Variants in TOX observed in about 807,000 individuals in gnomAD.
The protein encoded by TOX is thymocyte selection associated high mobility group box.
TOX carries 11 observed loss-of-function variants against 53.7 expected under a neutral mutation model. That is an observed-to-expected ratio of 0.20 (90% CI 0.13 to 0.34). The LOEUF is 0.34. Ranked by LOEUF, TOX falls within the 10% of genes least tolerant of loss-of-function variation. The pLI, the probability that TOX is intolerant of heterozygous loss-of-function variation, is 1.00. For missense variants in TOX, 570 were observed against 664.6 expected (o/e 0.86, Z 1.56); for synonymous variants, 225 against 245.3 (o/e 0.92, Z 0.77).
At chr8:58,922,288 A>G (rs1407666398) in intron 3 of TOX, among the ~76,000 whole-genome samples, 1 of 152,228 alleles carries the variant, frequency 6.6e-6, no homozygotes, top group Admixed American at 6.5e-5. Context: ...CAGGAGAAGA[A>G]GGCAAAGATA....
At position 58,954,914 on chromosome 8, in the gene TOX, G is replaced by A. The variant is rs188544248; in HGVS notation, c.168+5029C>T. Reference sequence around the variant, plus strand: ...AGAAAAAAGAGAAGATAGTGGGTGAGGAAGCAGGTGGGAGGTGATGAGTTG... The same window carrying A: ...AGAAAAAAGAGAAGATAGTGGGTGAAGAAGCAGGTGGGAGGTGATGAGTTG... On this transcript the variant is annotated intron_variant, in intron 2 of 8. Transcript: ENST00000361421. 6.6e-5 allele frequency among the ~76,000 whole-genome samples: 10 copies of A among 152,306 alleles called. No homozygotes were observed. The East Asian group carries it at 9.7e-4, about 15-fold the overall frequency.
intron 3 of TOX, among the ~76,000 whole-genome samples, chr8:58,935,039 CT>C (rs1339973923): frequency 5.9e-5 from 9 of 152,070 alleles, no homozygotes; most frequent in African/African-American, 2.2e-4. Flanking sequence ...TTGTTGATGT[CT>C]AATATATTAG....
At chr8:59,087,405 T>C (rs968649469) in intron 1 of TOX, among the ~76,000 whole-genome samples, 1 of 152,226 alleles carries the variant, frequency 6.6e-6, no homozygotes, top group Non-Finnish European at 1.5e-5. Flanking sequence ...TCAATTTCAC[T>C]GTTAATTTTT....
intron 1 of TOX, among the ~76,000 whole-genome samples, chr8:58,995,453 G>A (rs572943841): frequency 6.6e-6 from 1 of 152,294 alleles, no homozygotes; most frequent in South Asian, 2.1e-4. Flanking sequence ...AAGCAGAACA[G>A]AGATTGCAAA....
intron 5 of TOX, among the ~76,000 whole-genome samples, chr8:58,828,677 G>T (rs1312866567): frequency 5.3e-5 from 8 of 151,936 alleles, no homozygotes; most frequent in African/African-American, 1.9e-4. Context: ...AAGCCTTGGT[G>T]CAGCCATGAA....
At chr8:58,885,441 C>T (rs1811449798) in intron 3 of TOX, among the ~76,000 whole-genome samples, 1 of 152,088 alleles carries the variant, frequency 6.6e-6, no homozygotes, top group Non-Finnish European at 1.5e-5. Context: ...TAAAATATTA[C>T]CTCTTGCTAT....
intron 3 of TOX, among the ~76,000 whole-genome samples, chr8:58,862,988 T>C (rs1563373078): frequency 6.6e-6 from 1 of 152,160 alleles, no homozygotes. Flanking sequence ...AAGGTTTTAA[T>C]AGTGACTGAC....
chr8:58,979,456 A>G (rs921354624), intron 1 of TOX, among the ~76,000 whole-genome samples: 1 of 152,198 alleles, frequency 6.6e-6, no homozygotes, highest in Non-Finnish European at 1.5e-5. Flanking sequence ...AACAAATAGA[A>G]TTCTTTTTGT....
chr8:58,872,185 T>C (rs898182429), intron 3 of TOX, among the ~76,000 whole-genome samples: 2 of 152,082 alleles, frequency 1.3e-5, no homozygotes, highest in Non-Finnish European at 2.9e-5. Flanking sequence ...AATAGCCTCA[T>C]TGGCCAATGC....
At chr8:58,944,363 A>G (rs17299135) in intron 2 of TOX, among the ~76,000 whole-genome samples, 2,798 of 152,350 alleles carry the variant, frequency 0.018, 32 homozygotes, top group Non-Finnish European at 0.028. Flanking sequence ...CCTCAAGAGT[A>G]TTTCTATGGT....
At chr8:59,102,256 C>A (rs1054561424) in intron 1 of TOX, among the ~76,000 whole-genome samples, 1 of 150,762 alleles carries the variant, frequency 6.6e-6, no homozygotes, top group Non-Finnish European at 1.5e-5. Context: ...CAGATGGAGT[C>A]TTGCTTTGTC....
chr8:59,117,252 A>G lies in TOX; in HGVS notation c.102+1634T>C, dbSNP rs577807414. On this transcript the variant is annotated intron_variant, in intron 1 of 8. Coordinates refer to ENST00000361421, the MANE Select transcript of TOX (RefSeq NM_014729.3). This position sits in a 1 kb window ranked among gnomAD's most constrained non-coding sequence, Gnocchi z 4.6. ...TAAGCAAAATAAAACGTAACACAAT[A>G]CTTGAGTGTACAGACAAAACAGATT... 2.4e-4 allele frequency among the ~76,000 whole-genome samples: 37 copies of G among 152,348 alleles called. No individual in the cohort carries two copies. In the South Asian group the frequency reaches 6.8e-3, roughly 28 times the overall value.
chr8:58,823,159 C>G (rs190585070), intron 6 of TOX, among the ~76,000 whole-genome samples: 1 of 152,148 alleles, frequency 6.6e-6, no homozygotes, highest in African/African-American at 2.4e-5. Context: ...CAGAGTTCAA[C>G]GTTATTCTAG....
intron 3 of TOX, among the ~76,000 whole-genome samples, chr8:58,930,915 A>T (rs370623058): frequency 1.3e-5 from 2 of 152,218 alleles, no homozygotes; most frequent in African/African-American, 4.8e-5. Context: ...ACTTATGGAC[A>T]TACTTAGAAT....
At chr8:58,991,318 A>G (rs1813441762) in intron 1 of TOX, among the ~76,000 whole-genome samples, 1 of 152,256 alleles carries the variant, frequency 6.6e-6, no homozygotes, top group Non-Finnish European at 1.5e-5. Context: ...TTGGTCTTCA[A>G]GCTAGAAAGA....
chr8:59,027,663 T>A (rs1047278805), intron 1 of TOX, among the ~76,000 whole-genome samples: 2 of 152,120 alleles, frequency 1.3e-5, no homozygotes, highest in African/African-American at 4.8e-5. Flanking sequence ...CCAATCTGAT[T>A]TTTTACGGAC....
chr8:59,066,353 C>T (rs1804093430), intron 1 of TOX, among the ~76,000 whole-genome samples: 1 of 152,162 alleles, frequency 6.6e-6, no homozygotes, highest in South Asian at 2.1e-4. Flanking sequence ...CTTCCTTCTC[C>T]ATTACTAGGT....
chr8:59,108,609 T>C lies in TOX; in HGVS notation c.102+10277A>G, dbSNP rs145772135. Among the ~76,000 whole-genome samples, 4 of 152,142 alleles carry C rather than the reference T, an allele frequency of 2.6e-5. No homozygotes were observed. The East Asian group carries it at 7.7e-4, about 29-fold the overall frequency. ...GATGGAAACATAGTTGAGTTTCATT[T>C]TTTTCTCTTCTCTTAAAACACTGAA... On this transcript the variant is annotated intron_variant, in intron 1 of 8. Transcript: ENST00000361421.
At chr8:58,864,437 T>C (rs1226494213) in intron 3 of TOX, among the ~76,000 whole-genome samples, 1 of 152,204 alleles carries the variant, frequency 6.6e-6, no homozygotes, top group African/African-American at 2.4e-5. Context: ...CATTTGATAC[T>C]ATATTAGCAG....
Sources: allele counts gnomAD v4.1 joint callset (sites outside exome capture counted in the v4.1 genomes callset), GRCh38; gene constraint gnomAD v4.1.1; non-coding constraint Gnocchi (gnomAD v3.1); transcripts MANE v1.5; gene names NCBI Gene and HGNC (gene_info 2026-07-23, HGNC 2026-07-21).